Variants in RFX4 observed in about 807,000 individuals in gnomAD.
RFX4 encodes regulatory factor X4, also known as transcription factor RFX4.
RFX4 carries 10 observed loss-of-function variants against 95.0 expected under a neutral mutation model. The ratio of observed to expected loss-of-function variants is 0.11; its 90% CI spans 0.06 to 0.18. RFX4 has a LOEUF of 0.18. RFX4 is among the 10% of genes least tolerant of loss of function. RFX4 has a pLI of 1.00. For synonymous variants in RFX4, 321 were observed against 340.7 expected (o/e 0.94, Z 0.64); for missense variants, 640 against 922.0 (o/e 0.69, Z 3.96).
At chr12:106,633,826 T>C (rs1400586549) in intron 2 of RFX4, among the ~76,000 whole-genome samples, 4 of 152,230 alleles carry the variant, frequency 2.6e-5, no homozygotes, top group Non-Finnish European at 5.9e-5. Flanking sequence ...ACAGGGAGCT[T>C]CCCTGGCTCC....
chr12:106,588,657 A>T (rs1352223687), intron 1 of RFX4, among the ~76,000 whole-genome samples: 1 of 152,090 alleles, frequency 6.6e-6, no homozygotes, highest in Non-Finnish European at 1.5e-5. Context: ...TGCAAAAGTA[A>T]TTGTGGGTTT....
At position 106,720,188 on chromosome 12, in the gene RFX4, G is replaced by A. The variant is rs1461850324; in HGVS notation, c.1233+134G>A. The A allele has an allele frequency of 1.4e-6, 1 of 703,302 alleles. No homozygotes were observed. Among genetic ancestry groups the A allele is most frequent in the Non-Finnish European group, 2.5e-6 (1 of 406,536 alleles). The allele number at this position is 703,302 out of a possible 1,614,324, so 43.6% of individuals were successfully genotyped here. Reference sequence around the variant, plus strand: ...TGAGGAGAGGCCCCAGGAGGTGGAGGGGTCAGGAGGCAGGACTCTTGAGTC... The same window carrying A: ...TGAGGAGAGGCCCCAGGAGGTGGAGAGGTCAGGAGGCAGGACTCTTGAGTC... On this transcript the variant is annotated intron_variant, in intron 12 of 17. Transcript: ENST00000392842. The surrounding 1 kb of genome is among the most constrained non-coding windows in gnomAD (Gnocchi z 4.2).
intron 17 of RFX4, among the ~76,000 whole-genome samples, chr12:106,757,454 G>A (rs906436080): frequency 6.6e-6 from 1 of 151,890 alleles, no homozygotes; most frequent in Non-Finnish European, 1.5e-5. Flanking sequence ...AGGCTCAGGT[G>A]GGAGGATCAC....
chr12:106,653,994 G>C (rs907035786), intron 3 of RFX4, among the ~76,000 whole-genome samples: 1 of 152,166 alleles, frequency 6.6e-6, no homozygotes, highest in Non-Finnish European at 1.5e-5. Context: ...AATTTGGGCT[G>C]AAAAAGTAGC....
At chr12:106,703,636 A>G (rs1243161323) in intron 8 of RFX4, among the ~76,000 whole-genome samples, 1 of 152,232 alleles carries the variant, frequency 6.6e-6, no homozygotes, top group African/African-American at 2.4e-5. Context: ...AATGCTTTAT[A>G]GGTGTTAAAC....
At chr12:106,625,677 C>T (rs1372256000) in intron 2 of RFX4, among the ~76,000 whole-genome samples, 1 of 152,094 alleles carries the variant, frequency 6.6e-6, no homozygotes, top group Admixed American at 6.6e-5. Context: ...CCAGAAGATT[C>T]CCTGAGCCCC....
At chr12:106,685,380 T>A (rs551085378) in intron 5 of RFX4, among the ~76,000 whole-genome samples, 34 of 152,326 alleles carry the variant, frequency 2.2e-4, no homozygotes, top group African/African-American at 7.7e-4. Context: ...TGATCTTGGG[T>A]GCATGACTTA....
intron 15 of RFX4, among the ~76,000 whole-genome samples, chr12:106,745,335 G>A (rs956236904): frequency 6.6e-6 from 1 of 152,152 alleles, no homozygotes; most frequent in African/African-American, 2.4e-5. Context: ...CAATAATGGT[G>A]TCTCCTTTCA....
intron 16 of RFX4, among the ~76,000 whole-genome samples, chr12:106,749,024 G>A (rs2042947354): frequency 6.6e-6 from 1 of 151,486 alleles, no homozygotes. Flanking sequence ...GGTGGAGGCT[G>A]CAGTGAGCTG....
intron 4 of RFX4, chr12:106,681,077 C>G (rs1159128972): frequency 6.6e-6 from 1 of 152,194 alleles, no homozygotes; most frequent in African/African-American, 2.4e-5. Flanking sequence ...TATGTTTTCA[C>G]CTTGAGAGAT....
intron 1 of RFX4, among the ~76,000 whole-genome samples, chr12:106,600,670 A>C (rs2039689023): frequency 6.6e-6 from 1 of 152,092 alleles, no homozygotes; most frequent in Non-Finnish European, 1.5e-5. Flanking sequence ...TGAAGTTCCT[A>C]GGAGGGTCTG....
rs943499335 is a variant in RFX4, at chr12:106,761,511, TTAATAA to T, written c.*52_*57del. ...CCATATTTAATATTAATAATAATAATTAATAATAATAATAAACCCAACACCCATCCC... is the reference window on the plus strand; with the variant it reads ...CCATATTTAATATTAATAATAATAATTAATAATAAACCCAACACCCATCCC... On this transcript the variant is annotated 3_prime_UTR_variant, in exon 18 of 18. Transcript: ENST00000392842. 1 of 1,269,740 alleles carries T rather than the reference TTAATAA, an allele frequency of 7.9e-7. No individual in the cohort carries two copies. The highest frequency in any genetic ancestry group is 1.6e-5 in the African/African-American group (1 of 64,108). 78.7% of individuals were successfully genotyped at this position (1,269,740 alleles called of 1,614,324 possible).
Position 106,597,854 on chromosome 12 carries a change from C to T in RFX4, c.44-10943C>T, listed in dbSNP as rs191636503. Among the ~76,000 whole-genome samples, 201 of 152,080 alleles carry T rather than the reference C, an allele frequency of 1.3e-3. 1 individual carries two copies. The highest frequency in any genetic ancestry group is 3.7e-3 in the Admixed American group (56 of 15,282). ...CAGCCTAGGCAACAGAGCAAGATCC[C>T]ATCTCTAAAAAAAGGTGGTTGGGAT... On this transcript the variant is annotated intron_variant, in intron 1 of 17. Coordinates refer to ENST00000392842, the MANE Select transcript of RFX4 (RefSeq NM_213594.3).
At chr12:106,610,438 C>T (rs1206233842) in intron 2 of RFX4, among the ~76,000 whole-genome samples, 1 of 152,150 alleles carries the variant, frequency 6.6e-6, no homozygotes, top group East Asian at 1.9e-4. Flanking sequence ...TAAACTGAAA[C>T]TCTGTACCCA....
chr12:106,647,888 C>T (rs1440113851), intron 3 of RFX4, among the ~76,000 whole-genome samples: 1 of 152,108 alleles, frequency 6.6e-6, no homozygotes, highest in African/African-American at 2.4e-5. Flanking sequence ...GTTCAAGTAA[C>T]GTGCCCCAGG....
intron 7 of RFX4, among the ~76,000 whole-genome samples, chr12:106,691,538 T>C (rs909213921): frequency 2.6e-5 from 4 of 152,234 alleles, no homozygotes; most frequent in Non-Finnish European, 5.9e-5. Context: ...AGAAAAGTCA[T>C]TGGTAAATGG....
intron 3 of RFX4, among the ~76,000 whole-genome samples, chr12:106,648,808 A>G (rs527341547): frequency 6.6e-6 from 1 of 152,244 alleles, no homozygotes; most frequent in South Asian, 2.1e-4. Context: ...GCATATACAT[A>G]TAAGAAATCA....
At chr12:106,604,715 G>A (rs914858156) in intron 1 of RFX4, among the ~76,000 whole-genome samples, 5 of 152,062 alleles carry the variant, frequency 3.3e-5, no homozygotes, top group African/African-American at 4.8e-5. Context: ...AGAATAAAAC[G>A]GGCTCCATTA....
chr12:106,583,290 G>C lies in RFX4; in HGVS notation c.-31G>C, dbSNP rs778747850. 236 of 1,495,744 alleles carry C rather than the reference G, an allele frequency of 1.6e-4. No individual in the cohort carries two copies. The highest frequency in any genetic ancestry group is 2.1e-4 in the Non-Finnish European group (234 of 1,121,246). The allele number at this position is 1,495,744 out of a possible 1,614,324, so 92.7% of individuals were successfully genotyped here. A position where few individuals can be genotyped will look rare whatever the true frequency, so the allele number is the denominator to read the frequency against. On this transcript the variant is annotated 5_prime_UTR_variant, in exon 1 of 18. Transcript: ENST00000392842. ...GGGATCCCCAAACATCAGGACTTTT[G>C]GGGGGCGCCTGTGCTGTCCATGGGA... is the stretch of plus-strand genomic sequence containing the variant.
Sources: gnomAD v4.1 joint callset for allele counts (sites outside exome capture counted in the v4.1 genomes callset) on GRCh38, gnomAD v4.1.1 for gene constraint, Gnocchi (gnomAD v3.1) non-coding constraint, MANE v1.5 for transcripts, NCBI Gene and HGNC (gene_info 2026-07-23, HGNC 2026-07-21) for gene names.